Variants in ICAM4 observed in about 807,000 individuals in gnomAD.
ICAM4 encodes the protein intercellular adhesion molecule 4.
Under a neutral mutation model 18.8 loss-of-function variants are expected in ICAM4, and 16 were observed. That is an observed-to-expected ratio of 0.85 (90% confidence interval 0.58 to 1.29). The LOEUF is 1.29. Ranked by LOEUF, ICAM4 falls within the 50% of genes most tolerant of loss-of-function variation. The pLI, the probability that ICAM4 is intolerant of heterozygous loss-of-function variation, is 0.00. For synonymous variants in ICAM4, 163 were observed against 163.2 expected, an observed-to-expected ratio of 1.00 and a Z score of 0.01; for missense variants, 338 against 364.3, an observed-to-expected ratio of 0.93 and a Z score of 0.59.
chr19:10,287,234 C>G lies in ICAM4; in HGVS notation c.222C>G (p.Pro74=). The change falls in exon 1 of 3, where the codon CCC becomes CCG. Residue 74 remains proline, a synonymous_variant. Transcript: ENST00000380770. The surrounding 1 kb of genome is among the most constrained non-coding windows in gnomAD (Gnocchi z 8.7). ...AGCTCAATTGCAGCAACAGCTGTCCCCAGCCGCAGAATTCCAGCCTCCGCA... is the reference window on the plus strand; with the variant it reads ...AGCTCAATTGCAGCAACAGCTGTCCGCAGCCGCAGAATTCCAGCCTCCGCA... ...SVQLNCSNSC[P]QPQNSSLRTP... 6.2e-7 allele frequency: 1 copy of G among 1,613,404 alleles called. No individual in the cohort carries two copies.
chr19:10,286,983 C>A lies in ICAM4; in HGVS notation c.-30C>A. The A allele has an allele frequency of 2.0e-6, 3 of 1,479,990 alleles. No homozygotes were observed. Among genetic ancestry groups the A allele is most frequent in the Non-Finnish European group, 2.7e-6 (3 of 1,122,044 alleles). The allele number at this position is 1,479,990 out of a possible 1,614,324, so 91.7% of individuals were successfully genotyped here. On this transcript the variant is annotated 5_prime_UTR_variant, in exon 1 of 3. Coordinates refer to ENST00000380770, the MANE Select transcript of ICAM4 (RefSeq NM_001544.5). ...TCTAGAGCCGGCCCTGGCTCTCTGG[C>A]GCGGGGCCCCTTAGTCCGGGCTTTT... is the stretch of plus-strand genomic sequence containing the variant.
In ICAM4 at chr19:10,288,151, AC is replaced by A; in HGVS notation, c.*48del. On this transcript the variant is annotated 3_prime_UTR_variant, in exon 3 of 3. Transcript: ENST00000380770. ...TGAGCGAGAAAAAGAGGAATATGAA[AC>A]AATCTGGGGAAATGGCCATACATGG... The A allele has an allele frequency of 6.2e-7, 1 of 1,613,990 alleles. No individual in the cohort carries two copies. Among genetic ancestry groups the A allele is most frequent in the Non-Finnish European group, 8.5e-7 (1 of 1,179,986 alleles).
Position 10,287,991 on chromosome 19 carries a change from A to C in ICAM4, c.703A>C (p.Ser235Arg), listed in dbSNP as rs2040133932. 6.2e-7 allele frequency: 1 copy of C among 1,613,790 alleles called. No homozygotes were observed. Among genetic ancestry groups the C allele is most frequent in the Admixed American group, 1.7e-5 (1 of 59,976 alleles). ...SAPITLMLAW[S>R]PAPTALASGS... ...TTCTCGCCTTCTGCTCCCAGCTTGG[A>C]GCCCCGCGCCCACAGCTTTGGCCTC... The change falls in exon 3 of 3, where the codon AGC becomes CGC. Residue 235 changes from serine to arginine, a missense_variant. Coordinates refer to ENST00000380770, the MANE Select transcript of ICAM4 (RefSeq NM_001544.5). This position sits in a 1 kb window ranked among gnomAD's most constrained non-coding sequence, Gnocchi z 8.7.
At position 10,287,418 on chromosome 19, in the gene ICAM4, G is replaced by A; in HGVS notation, c.394+12G>A. On this transcript the variant is annotated intron_variant, in intron 1 of 2. Coordinates refer to ENST00000380770, the MANE Select transcript of ICAM4 (RefSeq NM_001544.5). This position sits in a 1 kb window ranked among gnomAD's most constrained non-coding sequence, Gnocchi z 8.7. ...GATCACCGCCTACAGTGAGGGACAG[G>A]GGCTCGGTCCCGGCTGGGGTGAGGG... The A allele has an allele frequency of 6.3e-7, 1 of 1,596,978 alleles. No homozygotes were observed. Among genetic ancestry groups the A allele is most frequent in the South Asian group, 1.1e-5 (1 of 89,144 alleles).
Position 10,288,100 on chromosome 19 carries a change from C to T in ICAM4, c.812C>T (p.Ala271Val), listed in dbSNP as rs2040135794. 1 of 1,614,028 alleles carries T rather than the reference C, an allele frequency of 6.2e-7. No homozygotes were observed. The highest frequency in any genetic ancestry group is 1.1e-5 in the South Asian group (1 of 91,080). ...AAGTGCCTAGCTATGAAGTCCCAGG[C>T]GTAAAGGGGGATGTTCTATGCCGGC... ...LCKCLAMKSQ[A>V] Residue 271 changes from alanine (A) to valine (V), a missense_variant, in exon 3 of 3, where the codon GCG becomes GTG. Ala to Val is a moderately conservative substitution (Grantham distance 64). Transcript: ENST00000380770.
At position 10,288,352 on chromosome 19, in the gene ICAM4, T is replaced by C. The variant is rs971277103; in HGVS notation, c.*248T>C. On this transcript the variant is annotated 3_prime_UTR_variant, in exon 3 of 3. Transcript: ENST00000380770. ...GGTCCCAGCTACCCGGGAGGCTGAG[T>C]TGGGAGGATCCTTTGAGCCCTGAAA... 1.1e-5 allele frequency: 7 copies of C among 621,722 alleles called. No homozygotes were observed. The African/African-American group carries it at 1.3e-4, about 11-fold the overall frequency. 38.5% of individuals were successfully genotyped at this position (621,722 alleles called of 1,614,324 possible).
In ICAM4 at chr19:10,287,028, C is replaced by G. The variant is rs543406540; in HGVS notation, c.16C>G (p.Pro6Ala). Reference sequence around the variant, plus strand: ...GCTTTTTGCCATGGGGTCTCTGTTCCCTCTGTCGCTGCTGTTTTTTTTGGC... The same window carrying G: ...GCTTTTTGCCATGGGGTCTCTGTTCGCTCTGTCGCTGCTGTTTTTTTTGGC... Reference protein sequence around the residue: MGSLFPLSLLFFLAAA... With the variant: MGSLFALSLLFFLAAA... The change falls in exon 1 of 3, where the codon CCT becomes GCT. Residue 6 changes from proline to alanine, a missense_variant. Transcript: ENST00000380770. The surrounding 1 kb of genome is among the most constrained non-coding windows in gnomAD (Gnocchi z 8.7). 2.6e-6 allele frequency: 4 copies of G among 1,549,330 alleles called. No homozygotes were observed. The South Asian group carries it at 3.6e-5, about 14-fold the overall frequency.
At position 10,288,141 on chromosome 19, in the gene ICAM4, G is replaced by A. The variant is rs146427583; in HGVS notation, c.*37G>A. Reference sequence around the variant, plus strand: ...CTATGCCGGCTGAGCGAGAAAAAGAGGAATATGAAACAATCTGGGGAAATG... The same window carrying A: ...CTATGCCGGCTGAGCGAGAAAAAGAAGAATATGAAACAATCTGGGGAAATG... On this transcript the variant is annotated 3_prime_UTR_variant, in exon 3 of 3. Coordinates refer to ENST00000380770, the MANE Select transcript of ICAM4 (RefSeq NM_001544.5). The A allele has an allele frequency of 3.1e-6, 5 of 1,613,964 alleles. No individual in the cohort carries two copies. The highest frequency in any genetic ancestry group is 1.1e-5 in the South Asian group (1 of 91,088).
rs781196046 is a variant in ICAM4 at position 10,287,599 on chromosome 19, G to C, written c.458G>C (p.Cys153Ser). 6.2e-7 allele frequency: 1 copy of C among 1,614,146 alleles called. No individual in the cohort carries two copies. Among genetic ancestry groups the C allele is most frequent in the Non-Finnish European group, 8.5e-7 (1 of 1,180,024 alleles). The change falls in exon 2 of 3, where the codon TGC becomes TCC. Residue 153 changes from cysteine to serine, a missense_variant. By Grantham distance (112) the Cys-to-Ser change is moderately radical. Transcript: ENST00000380770. The surrounding 1 kb of genome is among the most constrained non-coding windows in gnomAD (Gnocchi z 8.7). ...AAGGGCAGGAAATACACTTTGCGCT[G>C]CCACGTGACGCAGGTGTTCCCGGTG... The part of the protein sequence containing the change: ...VLKGRKYTLR[C>S]HVTQVFPVGY...
rs1164880913 is a variant in ICAM4, at chr19:10,288,172, A to C, written c.*68A>C. ...TGAAACAATCTGGGGAAATGGCCAT[A>C]CATGGTGGCTGACGCCTGTAATCCC... On this transcript the variant is annotated 3_prime_UTR_variant, in exon 3 of 3. Coordinates refer to ENST00000380770, the MANE Select transcript of ICAM4 (RefSeq NM_001544.5). 103 of 1,613,150 alleles carry C rather than the reference A, an allele frequency of 6.4e-5. No homozygotes were observed. The highest frequency in any genetic ancestry group is 8.5e-5 in the Non-Finnish European group (100 of 1,179,518).
In ICAM4 at chr19:10,287,647, G is replaced by T. The variant is rs1480561236; in HGVS notation, c.506G>T (p.Arg169Met). 1 of 1,614,144 alleles carries T rather than the reference G, an allele frequency of 6.2e-7. No individual in the cohort carries two copies. The highest frequency in any genetic ancestry group is 8.5e-7 in the Non-Finnish European group (1 of 1,180,030). The change falls in exon 2 of 3, where the codon AGG becomes ATG. Residue 169 changes from arginine (R) to methionine (M), a missense_variant. Transcript: ENST00000380770. This position sits in a 1 kb window ranked among gnomAD's most constrained non-coding sequence, Gnocchi z 8.7. ...FPVGYLVVTL[R>M]HGSRVIYSES... ...GTGGGCTACTTGGTGGTGACCCTGA[G>T]GCATGGAAGCCGGGTCATCTATTCC...
Position 10,287,657 on chromosome 19 carries a change from C to T in ICAM4, c.516C>T (p.Ser172=). The change falls in exon 2 of 3, where the codon AGC becomes AGT. Residue 172 remains serine, a synonymous_variant. Coordinates refer to ENST00000380770, the MANE Select transcript of ICAM4 (RefSeq NM_001544.5). This position sits in a 1 kb window ranked among gnomAD's most constrained non-coding sequence, Gnocchi z 8.7. Reference sequence around the variant, plus strand: ...TGGTGGTGACCCTGAGGCATGGAAGCCGGGTCATCTATTCCGAAAGCCTGG... The same window carrying T: ...TGGTGGTGACCCTGAGGCATGGAAGTCGGGTCATCTATTCCGAAAGCCTGG... ...GYLVVTLRHG[S]RVIYSESLER... 6.2e-7 allele frequency: 1 copy of T among 1,614,138 alleles called. No homozygotes were observed. The highest frequency in any genetic ancestry group is 1.7e-5 in the Admixed American group (1 of 60,012).
rs779541160 is a variant in ICAM4 at position 10,288,422 on chromosome 19, T to TG, written c.*323dup. On this transcript the variant is annotated 3_prime_UTR_variant, in exon 3 of 3. Transcript: ENST00000380770. ...TTGATCGTGCCACTGCACTCCAGCC[T>TG]GGGGGACAGAGCACGACCCTGTCTC... 1.1e-5 allele frequency: 6 copies of TG among 532,386 alleles called. No individual in the cohort carries two copies. In the South Asian group the frequency reaches 1.3e-4, roughly 11 times the overall value. 33.0% of individuals were successfully genotyped at this position (532,386 alleles called of 1,614,324 possible).
Position 10,287,338 on chromosome 19 carries a change from C to A in ICAM4, c.326C>A (p.Ser109Tyr). Reference protein sequence around the residue: ...YQLLDVRAWSSLAHCLVTCAG... With the variant: ...YQLLDVRAWSYLAHCLVTCAG... ...CTGCTCGACGTGAGGGCCTGGAGCT[C>A]CCTCGCGCACTGCCTCGTGACCTGC... is the stretch of plus-strand genomic sequence containing the variant. Residue 109 changes from serine to tyrosine, a missense_variant, in exon 1 of 3, where the codon TCC becomes TAC. Transcript: ENST00000380770. This position sits in a 1 kb window ranked among gnomAD's most constrained non-coding sequence, Gnocchi z 8.7. 6.2e-7 allele frequency: 1 copy of A among 1,612,808 alleles called. No homozygotes were observed. The highest frequency in any genetic ancestry group is 2.2e-5 in the East Asian group (1 of 44,828).
Position 10,286,992 on chromosome 19 carries a change from C to T in ICAM4, c.-21C>T, listed in dbSNP as rs1329998320. On this transcript the variant is annotated 5_prime_UTR_variant, in exon 1 of 3. Transcript: ENST00000380770. ...GGCCCTGGCTCTCTGGCGCGGGGCC[C>T]CTTAGTCCGGGCTTTTTGCCATGGG... 2 of 1,491,238 alleles carry T rather than the reference C, an allele frequency of 1.3e-6. No homozygotes were observed. Among genetic ancestry groups the T allele is most frequent in the Non-Finnish European group, 8.9e-7 (1 of 1,126,500 alleles). The allele number at this position is 1,491,238 out of a possible 1,614,324, so 92.4% of individuals were successfully genotyped here. A position where few individuals can be genotyped will look rare whatever the true frequency, so the allele number is the denominator to read the frequency against.
Position 10,287,459 on chromosome 19 carries a change from G to A in ICAM4, c.394+53G>A, listed in dbSNP as rs1237485928. ...GGGGTGAGGGGAGGGGGCTGGAAGAGGTGGGGGAAGGGTAGTTGACAGTCG... is the reference window on the plus strand; with the variant it reads ...GGGGTGAGGGGAGGGGGCTGGAAGAAGTGGGGGAAGGGTAGTTGACAGTCG... On this transcript the variant is annotated intron_variant, in intron 1 of 2. Transcript: ENST00000380770. The surrounding 1 kb of genome is among the most constrained non-coding windows in gnomAD (Gnocchi z 8.7). The A allele has an allele frequency of 1.3e-6, 2 of 1,588,524 alleles. No individual in the cohort carries two copies. The highest frequency in any genetic ancestry group is 1.7e-6 in the Non-Finnish European group (2 of 1,166,080).
Position 10,288,279 on chromosome 19 carries a change from C to A in ICAM4, c.*175C>A. 1.0e-6 allele frequency: 1 copy of A among 973,862 alleles called. No individual in the cohort carries two copies. Among genetic ancestry groups the A allele is most frequent in the South Asian group, 1.4e-5 (1 of 70,690 alleles). The allele number at this position is 973,862 out of a possible 1,614,324, so 60.3% of individuals were successfully genotyped here. A position where few individuals can be genotyped will look rare whatever the true frequency, so the allele number is the denominator to read the frequency against. On this transcript the variant is annotated 3_prime_UTR_variant, in exon 3 of 3. Coordinates refer to ENST00000380770, the MANE Select transcript of ICAM4 (RefSeq NM_001544.5). ...CCTGGACAACATAGTGAGACCCCGT[C>A]TATGCAAAAAATACACAAATTAGCC...
In ICAM4 at chr19:10,287,378, C is replaced by G. The variant is rs1215440196; in HGVS notation, c.366C>G (p.Arg122=). Residue 122 remains arginine, a synonymous_variant, in exon 1 of 3, where the codon CGC becomes CGG. Coordinates refer to ENST00000380770, the MANE Select transcript of ICAM4 (RefSeq NM_001544.5). The surrounding 1 kb of genome is among the most constrained non-coding windows in gnomAD (Gnocchi z 8.7). ...TCGTGACCTGCGCAGGAAAAACACGCTGGGCCACCTCCAGGATCACCGCCT... is the reference window on the plus strand; with the variant it reads ...TCGTGACCTGCGCAGGAAAAACACGGTGGGCCACCTCCAGGATCACCGCCT... ...HCLVTCAGKT[R]WATSRITAYK... 2.5e-6 allele frequency: 4 copies of G among 1,607,644 alleles called. No individual in the cohort carries two copies. Among genetic ancestry groups the G allele is most frequent in the Non-Finnish European group, 3.4e-6 (4 of 1,177,244 alleles).
chr19:10,287,263 C>G lies in ICAM4; in HGVS notation c.251C>G (p.Pro84Arg), dbSNP rs773634559. 7.4e-6 allele frequency: 12 copies of G among 1,613,672 alleles called. No homozygotes were observed. Among genetic ancestry groups the G allele is most frequent in the Middle Eastern group, 1.6e-4 (1 of 6,062 alleles). ...PQPQNSSLRT[P>R]LRQGKTLRGP... ...CCGCAGAATTCCAGCCTCCGCACCC[C>G]GCTGCGGCAAGGCAAGACGCTCAGA... is the stretch of plus-strand genomic sequence containing the variant. The change falls in exon 1 of 3, where the codon CCG (proline) becomes CGG (arginine). Residue 84 changes from proline to arginine, a missense_variant. Transcript: ENST00000380770. This position sits in a 1 kb window ranked among gnomAD's most constrained non-coding sequence, Gnocchi z 8.7.
Sources: gnomAD v4.1 joint callset for allele counts on GRCh38, gnomAD v4.1.1 for gene constraint, Gnocchi (gnomAD v3.1) non-coding constraint, MANE v1.5 for transcripts, NCBI Gene and HGNC (gene_info 2026-07-23, HGNC 2026-07-21) for gene names.